FASTKD1: variants seen among roughly 807,000 people sequenced by gnomAD.
FASTKD1 encodes the protein FAST kinase domains 1.
In FASTKD1, 94 loss-of-function variants were observed where a neutral mutation model predicts 90.9. The observed-to-expected ratio is 1.03, with a 90% CI of 0.88 to 1.23. The LOEUF (loss-of-function observed/expected upper bound fraction) is 1.23. FASTKD1 is among the 50% of genes most tolerant of loss of function. FASTKD1 has a pLI of 0.00. For synonymous variants in FASTKD1, 319 were observed against 345.8 expected (o/e 0.92, Z 0.86); for missense variants, 945 against 993.5 (o/e 0.95, Z 0.66).
intron 7 of FASTKD1, among the ~76,000 whole-genome samples, chr2:169,552,957 A>G (rs1685557434): frequency 6.6e-6 from 1 of 152,152 alleles, no homozygotes; most frequent in Non-Finnish European, 1.5e-5. Context: ...TTGTAATCCC[A>G]GCACTTTCGG....
rs1684021183 is a variant in FASTKD1 at position 169,566,993 on chromosome 2, T to C, written c.446+2191A>G. 2.0e-5 allele frequency among the ~76,000 whole-genome samples: 3 copies of C among 152,166 alleles called. No individual in the cohort carries two copies. The South Asian group carries it at 6.2e-4, about 32-fold the overall frequency. On this transcript the variant is annotated intron_variant, in intron 3 of 14. Transcript: ENST00000453153. ...AGCTAGGTGTGGTGGCAGGTGCCTG[T>C]AGTCCCAGCTACTTGGGAGGTTGAG...
intron 7 of FASTKD1, among the ~76,000 whole-genome samples, chr2:169,551,462 T>G (rs910314473): frequency 6.6e-6 from 1 of 152,048 alleles, no homozygotes; most frequent in African/African-American, 2.4e-5. Context: ...CATAAACAAA[T>G]CTCATAAACT....
At chr2:169,536,995 A>ATTTT in intron 12 of FASTKD1, 10 of 239,754 alleles carry the variant, frequency 4.2e-5, no homozygotes, top group South Asian at 1.1e-4. Context: ...ACTGACCTTA[A>ATTTT]TTTTTTTTTT....
intron 9 of FASTKD1, among the ~76,000 whole-genome samples, chr2:169,541,535 C>T (rs1298855279): frequency 1.3e-5 from 2 of 152,142 alleles, no homozygotes; most frequent in Non-Finnish European, 2.9e-5. Context: ...CCCAGCCTCA[C>T]GTTGTAGGCT....
chr2:169,535,233 A>G (rs543563850), intron 12 of FASTKD1, among the ~76,000 whole-genome samples: 5 of 152,080 alleles, frequency 3.3e-5, no homozygotes, highest in Non-Finnish European at 5.9e-5. Flanking sequence ...CTGAGGCTAG[A>G]GTGCAGTAGC....
Position 169,572,063 on chromosome 2 carries a change from A to T in FASTKD1, c.-34T>A. The T allele has an allele frequency of 1.3e-6, 2 of 1,535,936 alleles. No homozygotes were observed. The highest frequency in any genetic ancestry group is 2.6e-5 in the South Asian group (2 of 77,674). On this transcript the variant is annotated 5_prime_UTR_variant, in exon 2 of 15. It removes an upstream start codon present in the reference 5' UTR. Coordinates refer to ENST00000453153, the MANE Select transcript of FASTKD1 (RefSeq NM_024622.6). ...CAAGTTTTCTTAGGTAAACAAAACC[A>T]TCTGCAACTAGTCGTCAGGTGCAAT... is the stretch of plus-strand genomic sequence containing the variant.
intron 5 of FASTKD1, among the ~76,000 whole-genome samples, chr2:169,558,123 T>G (rs572224615): frequency 6.6e-6 from 1 of 152,258 alleles, no homozygotes. Flanking sequence ...ATATTTCAAT[T>G]ATATCTATCC....
At chr2:169,558,923 T>A (rs1301990089) in intron 5 of FASTKD1, among the ~76,000 whole-genome samples, 1 of 151,588 alleles carries the variant, frequency 6.6e-6, no homozygotes. Flanking sequence ...CTTGTTTCCA[T>A]CTTGATATAG....
chr2:169,542,440 AAAAAGG>A (rs901373534), intron 9 of FASTKD1, among the ~76,000 whole-genome samples: 35 of 152,220 alleles, frequency 2.3e-4, no homozygotes, highest in African/African-American at 7.2e-4. Context: ...GACCCAAAAT[AAAAAGG>A]AAAAGGAAAA....
intron 9 of FASTKD1, 104 bp downstream of exon 9, chr2:169,544,617 A>T: frequency 1.5e-6 from 1 of 684,754 alleles, no homozygotes; most frequent in South Asian, 1.7e-5. Flanking sequence ...TAGATAATTC[A>T]TGTCTATTAT....
intron 2 of FASTKD1, 46 bp from the exon 3 acceptor site, chr2:169,569,298 C>A (rs942733384): frequency 5.9e-6 from 9 of 1,534,850 alleles, no homozygotes; most frequent in Admixed American, 1.7e-5. Context: ...ATTTTAAAAT[C>A]ATTAAAAACA....
chr2:169,542,653 C>G (rs532177033), intron 9 of FASTKD1, among the ~76,000 whole-genome samples: 4 of 152,178 alleles, frequency 2.6e-5, no homozygotes, highest in Non-Finnish European at 4.4e-5. Context: ...CCGCTTGAGC[C>G]CAGGCATTTG....
rs181292316 is a variant in FASTKD1 at position 169,543,430 on chromosome 2, T to A, written c.1816+1291A>T. Among the ~76,000 whole-genome samples the A allele has an allele frequency of 9.6e-3, 1,459 of 152,026 alleles. 16 individuals are homozygous for A. The highest frequency in any genetic ancestry group is 0.041 in the Middle Eastern group (12 of 294). ...GTGAGCCGAGATTGTGCCATTACAC[T>A]CCAGCCTGGGCAACAAGAGCAAAAC... On this transcript the variant is annotated intron_variant, in intron 9 of 14. Coordinates refer to ENST00000453153, the MANE Select transcript of FASTKD1 (RefSeq NM_024622.6).
rs949672940 is a variant in FASTKD1 at position 169,555,173 on chromosome 2, G to A, written c.1165C>T (p.His389Tyr). ...GCAAAAAACTCCTTCCTTTGGAAATGCAGAAAAGTTAATTCTTGAGTTATC... is the reference window on the plus strand; with the variant it reads ...GCAAAAAACTCCTTCCTTTGGAAATACAGAAAAGTTAATTCTTGAGTTATC... ...LKITQELTFLHFQRKEFFAKL... is the reference protein window; with the variant it reads ...LKITQELTFLYFQRKEFFAKL... The change falls in exon 7 of 15, where the codon CAT becomes TAT. Residue 389 changes from histidine to tyrosine, a missense_variant. Transcript: ENST00000453153. 1 of 1,612,418 alleles carries A rather than the reference G, an allele frequency of 6.2e-7. No individual in the cohort carries two copies. Among genetic ancestry groups the A allele is most frequent in the Non-Finnish European group, 8.5e-7 (1 of 1,179,126 alleles).
intron 7 of FASTKD1, among the ~76,000 whole-genome samples, chr2:169,549,521 A>T (rs1238017043): frequency 1.3e-5 from 2 of 152,216 alleles, no homozygotes; most frequent in East Asian, 3.8e-4. Context: ...GCTAGAGGGC[A>T]GTGGCGTAAT....
chr2:169,557,566 T>C (rs1683377828), intron 5 of FASTKD1, among the ~76,000 whole-genome samples: 1 of 152,218 alleles, frequency 6.6e-6, no homozygotes, highest in Admixed American at 6.5e-5. Flanking sequence ...TATTTTAAGA[T>C]TTTCAAATAA....
chr2:169,539,124 C>A (rs1330389041), intron 10 of FASTKD1, among the ~76,000 whole-genome samples: 1 of 151,474 alleles, frequency 6.6e-6, no homozygotes, highest in Non-Finnish European at 1.5e-5. Flanking sequence ...AAAAATTAGC[C>A]GGGCATGGTG....
chr2:169,530,977 C>A, intron 13 of FASTKD1: 1 of 670,300 alleles, frequency 1.5e-6, no homozygotes, highest in East Asian at 3.1e-5. Flanking sequence ...GTGAGGGGTA[C>A]AAATATGAAG....
intron 7 of FASTKD1, 56 bp from the exon 8 acceptor site, chr2:169,546,760 A>G (rs1014179659): frequency 6.7e-7 from 1 of 1,493,512 alleles, no homozygotes; most frequent in Non-Finnish European, 9.0e-7. Flanking sequence ...ATATATATGT[A>G]TTAAAATATG....
Sources: gnomAD v4.1 joint callset for allele counts (sites outside exome capture counted in the v4.1 genomes callset) on GRCh38, gnomAD v4.1.1 for gene constraint, MANE v1.5 for transcripts, NCBI Gene and HGNC (gene_info 2026-07-23, HGNC 2026-07-21) for gene names.